CARMIL1: variants seen among roughly 807,000 people sequenced by gnomAD.
CARMIL1 encodes the protein capping protein regulator and myosin 1 linker 1.
In CARMIL1, 90 loss-of-function variants were observed where a neutral mutation model predicts 177.1. That is an observed-to-expected ratio of 0.51 (90% CI 0.43 to 0.61). The LOEUF (loss-of-function observed/expected upper bound fraction) is 0.61, where lower values mean the gene tolerates loss of function less well. Ranked by LOEUF, CARMIL1 falls within the 20% of genes least tolerant of loss-of-function variation. CARMIL1 has a pLI of 0.00. For synonymous variants in CARMIL1, 577 were observed against 606.2 expected (o/e 0.95, Z 0.71); for missense variants, 1,380 against 1,667.0 (o/e 0.83, Z 3.00).
chr6:25,458,082 T>C (rs1236930191), intron 8 of CARMIL1, among the ~76,000 whole-genome samples: 1 of 152,154 alleles, frequency 6.6e-6, no homozygotes, highest in East Asian at 1.9e-4. Context: ...ATTCTTATAG[T>C]CATACAGATC....
intron 2 of CARMIL1, among the ~76,000 whole-genome samples, chr6:25,385,144 C>A (rs1792023642): frequency 6.6e-6 from 1 of 152,164 alleles, no homozygotes; most frequent in Non-Finnish European, 1.5e-5. Flanking sequence ...TACAACTTAT[C>A]AGGAGAACCG....
chr6:25,434,792 C>T (rs553409332), intron 4 of CARMIL1, among the ~76,000 whole-genome samples: 65 of 152,150 alleles, frequency 4.3e-4, no homozygotes, highest in South Asian at 1.9e-3. Context: ...CCTTGTGATC[C>T]GCCTGCCTTG....
chr6:25,289,658 T>A (rs1013351660), intron 2 of CARMIL1, among the ~76,000 whole-genome samples: 3 of 152,200 alleles, frequency 2.0e-5, no homozygotes, highest in Non-Finnish European at 4.4e-5. Context: ...TTTCTATAAA[T>A]TTGTCATTTT....
intron 3 of CARMIL1, among the ~76,000 whole-genome samples, chr6:25,424,852 G>A (rs2150715944): frequency 6.6e-6 from 1 of 152,194 alleles, no homozygotes; most frequent in East Asian, 1.9e-4. Context: ...GACTTAAATT[G>A]GAAGCTGGAA....
At chr6:25,527,111 G>A (rs1807221956) in intron 23 of CARMIL1, among the ~76,000 whole-genome samples, 1 of 152,268 alleles carries the variant, frequency 6.6e-6, no homozygotes. Flanking sequence ...CTAGCTCTAG[G>A]TTATCTCCCA....
intron 23 of CARMIL1, among the ~76,000 whole-genome samples, chr6:25,525,314 AGAGTG>A (rs1806987266): frequency 6.6e-6 from 1 of 152,344 alleles, no homozygotes; most frequent in South Asian, 2.1e-4. Context: ...AAGTAAGAAG[AGAGTG>A]GAGTGAACTA....
intron 8 of CARMIL1, chr6:25,465,492 C>T (rs572007340): frequency 1.4e-3 from 259 of 179,218 alleles, no homozygotes; most frequent in African/African-American, 6.0e-3. Context: ...TGCACTCCAC[C>T]TTGGGTGACA....
At chr6:25,334,515 GC>G (rs1786017702) in intron 2 of CARMIL1, among the ~76,000 whole-genome samples, 1 of 150,836 alleles carries the variant, frequency 6.6e-6, no homozygotes, top group Non-Finnish European at 1.5e-5. Flanking sequence ...TAATCTCCAT[GC>G]CCACATTTCT....
At chr6:25,344,225 A>G (rs1353546215) in intron 2 of CARMIL1, among the ~76,000 whole-genome samples, 7 of 152,066 alleles carry the variant, frequency 4.6e-5, no homozygotes, top group Admixed American at 3.9e-4. Context: ...CTCATGTGGT[A>G]CCTCCAACCT....
intron 35 of CARMIL1, among the ~76,000 whole-genome samples, chr6:25,607,846 A>C (rs549628350): frequency 5.1e-4 from 78 of 152,336 alleles, no homozygotes; most frequent in African/African-American, 1.7e-3. Flanking sequence ...GAAGCCACAA[A>C]GAAAGTGGTG....
intron 26 of CARMIL1, among the ~76,000 whole-genome samples, chr6:25,550,568 G>C (rs1049970043): frequency 6.6e-6 from 1 of 152,142 alleles, no homozygotes; most frequent in African/African-American, 2.4e-5. Flanking sequence ...ACAAGTTCTT[G>C]TGGTAAGGGG....
intron 5 of CARMIL1, among the ~76,000 whole-genome samples, chr6:25,449,373 T>C (rs1798563253): frequency 6.6e-6 from 1 of 152,132 alleles, no homozygotes; most frequent in Non-Finnish European, 1.5e-5. Context: ...CTTTGTTAGG[T>C]TCTGAGGAGG....
At chr6:25,364,178 C>G (rs1014467238) in intron 2 of CARMIL1, among the ~76,000 whole-genome samples, 16 of 152,132 alleles carry the variant, frequency 1.1e-4, no homozygotes, top group African/African-American at 3.6e-4. Context: ...CTCCTGGGCT[C>G]AAGTGACCCT....
intron 2 of CARMIL1, among the ~76,000 whole-genome samples, chr6:25,384,681 A>C (rs1791974905): frequency 6.6e-6 from 1 of 152,186 alleles, no homozygotes; most frequent in South Asian, 2.1e-4. Context: ...ACCCAGAAAT[A>C]TATAGCTTCT....
intron 12 of CARMIL1, 93 bp from the exon 13 acceptor site, chr6:25,488,389 A>C (rs1802877382): frequency 2.5e-5 from 22 of 896,254 alleles, no homozygotes; most frequent in Non-Finnish European, 3.6e-5. Context: ...TCAGTCCTGC[A>C]ATTTGATGGA....
At chr6:25,321,841 G>A (rs1176522790) in intron 2 of CARMIL1, among the ~76,000 whole-genome samples, 1 of 151,880 alleles carries the variant, frequency 6.6e-6, no homozygotes, top group Admixed American at 6.6e-5. Flanking sequence ...TGTATTTTTA[G>A]TAGGGATGGG....
chr6:25,470,929 A>G (rs1283120847), intron 9 of CARMIL1, among the ~76,000 whole-genome samples: 1 of 152,162 alleles, frequency 6.6e-6, no homozygotes, highest in East Asian at 1.9e-4. Flanking sequence ...TGACCATAGC[A>G]TTCTTCTTGT....
At position 25,504,108 on chromosome 6, in the gene CARMIL1, A is replaced by G. The variant is rs148025681; in HGVS notation, c.1395+3873A>G. Among the ~76,000 whole-genome samples the G allele has an allele frequency of 2.0e-4, 30 of 152,322 alleles. No individual in the cohort carries two copies. In the East Asian group the frequency reaches 5.4e-3, roughly 27 times the overall value. ...TTTTAATATAAAACATCTACTATAT[A>G]GAATTTTTGATCCAGATTTAGTTCT... On this transcript the variant is annotated intron_variant, in intron 17 of 36. Transcript: ENST00000329474.
chr6:25,294,560 A>G (rs76092634), intron 2 of CARMIL1, among the ~76,000 whole-genome samples: 4,124 of 152,226 alleles, frequency 0.027, 69 homozygotes, highest in Non-Finnish European at 0.038. Flanking sequence ...TCTTCTTTTG[A>G]ACTGGGATCT....
Sources: allele counts gnomAD v4.1 joint callset (sites outside exome capture counted in the v4.1 genomes callset), GRCh38; gene constraint gnomAD v4.1.1; transcripts MANE v1.5; gene names NCBI Gene and HGNC (gene_info 2026-07-23, HGNC 2026-07-21).